SOS2: variants seen among roughly 807,000 people sequenced by gnomAD.
SOS2 encodes son of sevenless homolog 2.
A neutral mutation model predicts 148.2 loss-of-function variants in SOS2; 65 were observed. That is an observed-to-expected ratio of 0.44 (90% CI 0.36 to 0.54). The LOEUF (loss-of-function observed/expected upper bound fraction) is 0.54. SOS2 is among the 20% of genes least tolerant of loss of function. The probability of loss-of-function intolerance (pLI) is 0.00; values close to 1 mark genes in which losing one functional copy is unlikely to be tolerated. For missense variants in SOS2, 1,341 were observed against 1,590.2 expected, an observed-to-expected ratio of 0.84 and a Z score of 2.67; for synonymous variants, 539 against 537.1, an observed-to-expected ratio of 1.00 and a Z score of -0.05.
At chr14:50,129,270 T>G (rs1883788429) in intron 21 of SOS2, among the ~76,000 whole-genome samples, 1 of 149,350 alleles carries the variant, frequency 6.7e-6, no homozygotes. Flanking sequence ...ATTTACTATA[T>G]TATTGCCATG....
chr14:50,215,519 T>C (rs1328069511), intron 1 of SOS2: 8 of 1,210,130 alleles, frequency 6.6e-6, no homozygotes, highest in Non-Finnish European at 8.4e-6. Context: ...AAAGAGCAAT[T>C]AAAATAATTT....
In SOS2 at chr14:50,117,150, G is replaced by A. The variant is rs1314179105; in HGVS notation, c.*1194C>T. The A allele has an allele frequency of 6.6e-6, 1 of 152,144 alleles. No homozygotes were observed. The highest frequency in any genetic ancestry group is 6.6e-5 in the Admixed American group (1 of 15,264). The allele number at this position is 152,144 out of a possible 1,614,324, so 9.4% of individuals were successfully genotyped here. On this transcript the variant is annotated 3_prime_UTR_variant, in exon 23 of 23. Coordinates refer to ENST00000216373, the MANE Select transcript of SOS2 (RefSeq NM_006939.4). ...AAGTCTTTTAAAAATTAAGACTGGG[G>A]TGATTTATTAATCTTGTTAAGAACT... is the stretch of plus-strand genomic sequence containing the variant.
chr14:50,220,405 C>CAAAAAGAAAAAAA (rs1887168450), intron 1 of SOS2, among the ~76,000 whole-genome samples: 1 of 30,446 alleles, frequency 3.3e-5, no homozygotes. Context: ...GACTCCATCT[C>CAAAAAGAAAAAAA]AAAAAAAAAA....
Position 50,159,761 on chromosome 14 carries a change from G to C in SOS2, c.1522C>G (p.His508Asp), listed in dbSNP as rs8010237. ...QICDKEDTCE[H>D]KHAFELVSKD... ...GATACTAATTCAAATGCATGCTTGT[G>C]CTCACAAGTATCTTCTTTATCACAA... Residue 508 changes from histidine (H) to aspartate (D), a missense_variant, in exon 10 of 23, where the codon CAC becomes GAC. His to Asp is a moderately conservative substitution (Grantham distance 81, BLOSUM62 -1). Around this residue, in one of 4 missense-constraint regions of SOS2, gnomAD observed 574 missense variants for 711.1 expected, o/e 0.81. Coordinates refer to ENST00000216373, the MANE Select transcript of SOS2 (RefSeq NM_006939.4). The C allele has an allele frequency of 6.2e-7, 1 of 1,613,690 alleles. No individual in the cohort carries two copies. The highest frequency in any genetic ancestry group is 8.5e-7 in the Non-Finnish European group (1 of 1,179,766).
chr14:50,118,885 T>G, intron 22 of SOS2, 32 bp from the exon 23 acceptor site: 1 of 1,326,102 alleles, frequency 7.5e-7, no homozygotes, highest in Non-Finnish European at 9.9e-7. Context: ...ATTATACCTC[T>G]ATTCTGAAAA....
At chr14:50,149,220 G>T (rs1884586327) in intron 14 of SOS2, among the ~76,000 whole-genome samples, 1 of 152,022 alleles carries the variant, frequency 6.6e-6, no homozygotes, top group South Asian at 2.1e-4. Flanking sequence ...TTTAAATTGA[G>T]GCTTCTATAC....
Position 50,161,506 on chromosome 14 carries a change from T to C in SOS2, c.1172A>G (p.Gln391Arg). The change falls in exon 9 of 23, where the codon CAG becomes CGG. Residue 391 changes from glutamine (Q) to arginine (R), a missense_variant. Gln to Arg is a conservative substitution (Grantham distance 43). Transcript: ENST00000216373. ...LQGSMDRIYK[Q>R]YSPRRRPGDP... The stretch of plus-strand genomic sequence containing the variant: ...CCCAGGTCGACGTCTAGGTGAATAC[T>C]GCTTGTAAATTCGGTCCATGCTACC... The C allele has an allele frequency of 6.2e-7, 1 of 1,613,470 alleles. No individual in the cohort carries two copies. Among genetic ancestry groups the C allele is most frequent in the Non-Finnish European group, 8.5e-7 (1 of 1,179,586 alleles).
At chr14:50,208,922 G>A (rs1282446019) in intron 1 of SOS2, among the ~76,000 whole-genome samples, 3 of 152,168 alleles carry the variant, frequency 2.0e-5, no homozygotes, top group Admixed American at 2.0e-4. Flanking sequence ...CACTATTTCT[G>A]GGTATGTCTG....
chr14:50,172,129 T>C (rs1885385348), intron 8 of SOS2, among the ~76,000 whole-genome samples: 1 of 152,236 alleles, frequency 6.6e-6, no homozygotes, highest in Admixed American at 6.5e-5. Context: ...TTTCAGACTT[T>C]CAAATTTCTG....
At chr14:50,133,242 C>CTTTTTTTTTTTTTTTTTTTTTTTT (rs753590435) in intron 19 of SOS2, among the ~76,000 whole-genome samples, 2 of 78,804 alleles carry the variant, frequency 2.5e-5, no homozygotes, top group Non-Finnish European at 2.4e-5. Flanking sequence ...TTTCTTTTTT[C>CTTTTTTTTTTTTTTTTTTTTTTTT]TTTTTTCTTT....
intron 7 of SOS2, among the ~76,000 whole-genome samples, chr14:50,178,346 T>C (rs1205445708): frequency 3.3e-5 from 5 of 152,206 alleles, no homozygotes; most frequent in African/African-American, 1.2e-4. Flanking sequence ...GCTTCCCTTT[T>C]GGCTTCCGCC....
chr14:50,166,221 A>G (rs990807796), intron 8 of SOS2, among the ~76,000 whole-genome samples: 8 of 152,148 alleles, frequency 5.3e-5, no homozygotes, highest in Admixed American at 4.6e-4. Context: ...ATTAATGGGT[A>G]ATATCTTTTC....
chr14:50,229,480 T>C (rs1253122806), intron 1 of SOS2, among the ~76,000 whole-genome samples: 1 of 148,648 alleles, frequency 6.7e-6, no homozygotes, highest in Non-Finnish European at 1.5e-5. Flanking sequence ...TGGATGCTAA[T>C]CTTGGCTTCT....
intron 19 of SOS2, 24 bp from the exon 20 acceptor site, chr14:50,130,786 T>C (rs963773982): frequency 1.3e-6 from 2 of 1,576,726 alleles, no homozygotes; most frequent in Non-Finnish European, 1.7e-6. Flanking sequence ...ACATAATTAA[T>C]GTCACAAATT....
chr14:50,211,508 C>T (rs1886868583), intron 1 of SOS2, among the ~76,000 whole-genome samples: 1 of 151,814 alleles, frequency 6.6e-6, no homozygotes, highest in Non-Finnish European at 1.5e-5. Context: ...CATGGGTACC[C>T]CATGTTTAGC....
chr14:50,190,991 T>C (rs541870325), intron 4 of SOS2, among the ~76,000 whole-genome samples: 62 of 152,336 alleles, frequency 4.1e-4, no homozygotes, highest in African/African-American at 1.4e-3. Flanking sequence ...GAGACCCTTT[T>C]AGAGTAGGTC....
chr14:50,189,348 A>AAAAAAAG (rs60224462), intron 4 of SOS2, among the ~76,000 whole-genome samples: 31 of 146,580 alleles, frequency 2.1e-4, no homozygotes, highest in Non-Finnish European at 3.9e-4. Context: ...AAAAAAAAAA[A>AAAAAAAG]GCAAGCCTGT....
chr14:50,157,528 A>G (rs1884858379), intron 11 of SOS2, among the ~76,000 whole-genome samples: 1 of 152,166 alleles, frequency 6.6e-6, no homozygotes, highest in Admixed American at 6.5e-5. Flanking sequence ...ATATTTAACA[A>G]TATTTAAATA....
At position 50,166,021 on chromosome 14, in the gene SOS2, C is replaced by T. The variant is rs74051272; in HGVS notation, c.1069-4412G>A. Among the ~76,000 whole-genome samples, 899 of 152,200 alleles carry T rather than the reference C, an allele frequency of 5.9e-3. 8 individuals are homozygous for T. Among genetic ancestry groups the T allele is most frequent in the African/African-American group, 0.02 (813 of 41,518 alleles). Reference sequence around the variant, plus strand: ...TCTACCATGACACCAGACACAGCTACGCAAAACACTGGTCTGTGTCTAAAT... The same window carrying T: ...TCTACCATGACACCAGACACAGCTATGCAAAACACTGGTCTGTGTCTAAAT... On this transcript the variant is annotated intron_variant, in intron 8 of 22. Transcript: ENST00000216373.
Sources: gnomAD v4.1 joint callset for allele counts (sites outside exome capture counted in the v4.1 genomes callset) on GRCh38, gnomAD v4.1.1 for gene constraint, gnomAD v4.1.1 regional missense constraint, MANE v1.5 for transcripts, NCBI Gene and HGNC (gene_info 2026-07-23, HGNC 2026-07-21) for gene names.